NELL1: variants seen among roughly 807,000 people sequenced by gnomAD.
The protein encoded by NELL1 is neural EGFL like 1, also known as protein kinase C-binding protein NELL1.
NELL1 carries 76 observed loss-of-function variants against 107.4 expected under a neutral mutation model. That is an observed-to-expected ratio of 0.71 (90% CI 0.59 to 0.86). NELL1 has a LOEUF of 0.86. NELL1 is among the 40% of genes least tolerant of loss of function. The pLI, the probability that NELL1 is intolerant of heterozygous loss-of-function variation, is 0.00. For missense variants in NELL1, 1,024 were observed against 1,005.5 expected, an observed-to-expected ratio of 1.02 and a Z score of -0.25; for synonymous variants, 353 against 341.2, an observed-to-expected ratio of 1.03 and a Z score of -0.38.
chr11:20,989,695 T>C (rs1195779068), intron 12 of NELL1, among the ~76,000 whole-genome samples: 2 of 152,052 alleles, frequency 1.3e-5, no homozygotes, highest in Non-Finnish European at 2.9e-5. Context: ...CTTCTGTTTA[T>C]AGAAATTCCA....
intron 14 of NELL1, among the ~76,000 whole-genome samples, chr11:21,265,603 T>C (rs929320969): frequency 1.3e-5 from 2 of 152,012 alleles, no homozygotes; most frequent in Non-Finnish European, 2.9e-5. Flanking sequence ...ATGTTTATAA[T>C]CATTGGTTCT....
chr11:21,224,195 G>A (rs906304856), intron 13 of NELL1, among the ~76,000 whole-genome samples: 1 of 151,992 alleles, frequency 6.6e-6, no homozygotes, highest in Non-Finnish European at 1.5e-5. Flanking sequence ...AATCTGGATG[G>A]TCATATCTCT....
chr11:21,534,697 C>CTA lies in NELL1; in HGVS notation c.1786+184_1786+185dup, dbSNP rs1296541547. Among the ~76,000 whole-genome samples, 3 of 152,188 alleles carry CTA rather than the reference C, an allele frequency of 2.0e-5. No homozygotes were observed. The East Asian group carries it at 5.8e-4, about 29-fold the overall frequency. On this transcript the variant is annotated intron_variant, in intron 16 of 19. Transcript: ENST00000357134. ...GCCAGGGATCATGCAAAGTGGGGTG[C>CTA]TAGAATTTTTATATAGAAACTGTGA...
rs1554929484 is a variant in NELL1 at position 21,528,522 on chromosome 11, C to CT, written c.1646-5841dup. On this transcript the variant is annotated intron_variant, in intron 15 of 19. Coordinates refer to ENST00000357134, the MANE Select transcript of NELL1 (RefSeq NM_006157.5). The stretch of plus-strand genomic sequence containing the variant: ...CTTTGCACATACCCACCCCCCCCCC[C>CT]TTTTTTTTTTTCCACAATGACTTGA... Among the ~76,000 whole-genome samples, 61 of 113,142 alleles carry CT rather than the reference C, an allele frequency of 5.4e-4. 1 individual carries two copies. Among genetic ancestry groups the CT allele is most frequent in the Admixed American group, 2.3e-3 (24 of 10,480 alleles). The allele number at this position is 113,142 out of a possible 152,430, so 74.2% of individuals were successfully genotyped here.
At chr11:20,834,548 A>G (rs988153678) in intron 3 of NELL1, among the ~76,000 whole-genome samples, 4 of 151,940 alleles carry the variant, frequency 2.6e-5, no homozygotes, top group Non-Finnish European at 5.9e-5. Flanking sequence ...TAAACATACA[A>G]AAAAATTAGC....
At position 20,749,134 on chromosome 11, in the gene NELL1, C is replaced by G. The variant is rs543692370; in HGVS notation, c.185-34546C>G. Reference sequence around the variant, plus strand: ...TGCAGCTATTCTAGGGCTGTTTGATCTTGGTTGAGTGATAATTCTTTGTAC... The same window carrying G: ...TGCAGCTATTCTAGGGCTGTTTGATGTTGGTTGAGTGATAATTCTTTGTAC... On this transcript the variant is annotated intron_variant, in intron 2 of 19. Transcript: ENST00000357134. Among the ~76,000 whole-genome samples the G allele has an allele frequency of 1.3e-5, 2 of 150,258 alleles. 1 individual carries two copies. Among genetic ancestry groups the G allele is most frequent in the African/African-American group, 5.0e-5 (2 of 39,722 alleles).
intron 15 of NELL1, among the ~76,000 whole-genome samples, chr11:21,413,088 T>C (rs999183486): frequency 6.6e-6 from 1 of 152,058 alleles, no homozygotes; most frequent in Non-Finnish European, 1.5e-5. Context: ...GAAACTTTAT[T>C]AAACAACAAC....
intron 13 of NELL1, among the ~76,000 whole-genome samples, chr11:21,198,391 G>C (rs1444043833): frequency 6.6e-6 from 1 of 152,198 alleles, no homozygotes; most frequent in Non-Finnish European, 1.5e-5. Flanking sequence ...TTGACCCCTT[G>C]ATGAAGGAGG....
chr11:20,725,620 A>C (rs1159194083), intron 2 of NELL1, among the ~76,000 whole-genome samples: 2 of 152,236 alleles, frequency 1.3e-5, no homozygotes, highest in African/African-American at 4.8e-5. Flanking sequence ...GTGAGGAAAT[A>C]GGTGCTAATT....
At chr11:21,543,948 C>T (rs1856362865) in intron 16 of NELL1, among the ~76,000 whole-genome samples, 1 of 151,948 alleles carries the variant, frequency 6.6e-6, no homozygotes, top group African/African-American at 2.4e-5. Flanking sequence ...GTTAGTCTAA[C>T]AGAACCTCAG....
In NELL1 at chr11:21,560,270, T is replaced by C; in HGVS notation, c.1868T>C (p.Leu623Pro). The C allele has an allele frequency of 1.2e-6, 2 of 1,613,606 alleles. No homozygotes were observed. The highest frequency in any genetic ancestry group is 8.5e-7 in the Non-Finnish European group (1 of 1,179,716). Residue 623 changes from leucine (L) to proline (P), a missense_variant, in exon 17 of 20, where the codon CTC becomes CCC. Coordinates refer to ENST00000357134, the MANE Select transcript of NELL1 (RefSeq NM_006157.5). ...AACCTGGCAGGGGGCTTTGACTGTC[T>C]CTGCCCCTCTGGGCCCTCCTGCTCT... Reference protein sequence around the residue: ...CINLAGGFDCLCPSGPSCSGD... With the variant: ...CINLAGGFDCPCPSGPSCSGD...
chr11:21,392,725 G>A (rs558165270), intron 15 of NELL1, among the ~76,000 whole-genome samples: 2 of 151,608 alleles, frequency 1.3e-5, no homozygotes, highest in Admixed American at 1.3e-4. Context: ...GATATAAAAT[G>A]TCATCCACTT....
chr11:20,984,474 T>A lies in NELL1; in HGVS notation c.1300+23914T>A, dbSNP rs114015709. ...CATAGGTTGGAATCAAATGAGATAA[T>A]GTAGTTCACTACCTAGTATGGGCTT... On this transcript the variant is annotated intron_variant, in intron 12 of 19. Coordinates refer to ENST00000357134, the MANE Select transcript of NELL1 (RefSeq NM_006157.5). 7.3e-3 allele frequency among the ~76,000 whole-genome samples: 1,116 copies of A among 152,342 alleles called. 15 individuals carry two copies. The highest frequency in any genetic ancestry group is 0.026 in the African/African-American group (1,064 of 41,580).
At chr11:20,867,205 G>C (rs1849111653) in intron 4 of NELL1, among the ~76,000 whole-genome samples, 1 of 152,118 alleles carries the variant, frequency 6.6e-6, no homozygotes, top group Non-Finnish European at 1.5e-5. Context: ...AATGAACAGA[G>C]GTTTAAGAGA....
intron 13 of NELL1, among the ~76,000 whole-genome samples, chr11:21,191,890 A>C (rs1015845508): frequency 6.6e-6 from 1 of 151,940 alleles, no homozygotes; most frequent in South Asian, 2.1e-4. Flanking sequence ...GCATTATTCA[A>C]ATATAACTTC....
intron 4 of NELL1, among the ~76,000 whole-genome samples, chr11:20,862,347 G>A (rs1251879917): frequency 2.0e-5 from 3 of 151,970 alleles, no homozygotes; most frequent in South Asian, 2.1e-4. Context: ...CAGGAAGTAC[G>A]GAGAGTTTCC....
intron 4 of NELL1, among the ~76,000 whole-genome samples, chr11:20,880,604 G>A (rs1052508990): frequency 1.3e-5 from 2 of 152,140 alleles, no homozygotes; most frequent in African/African-American, 4.8e-5. Flanking sequence ...CTTTGTGGGC[G>A]TGAAAAAGGC....
intron 12 of NELL1, among the ~76,000 whole-genome samples, chr11:21,084,251 T>C (rs1330737871): frequency 6.6e-6 from 1 of 152,206 alleles, no homozygotes; most frequent in Non-Finnish European, 1.5e-5. Context: ...TCAATGTTAG[T>C]GTCAAAGATA....
intron 14 of NELL1, among the ~76,000 whole-genome samples, chr11:21,312,250 G>A (rs1565162004): frequency 6.6e-6 from 1 of 152,092 alleles, no homozygotes; most frequent in Non-Finnish European, 1.5e-5. Flanking sequence ...TAGAGCGTGG[G>A]TATGAATCCA....
Sources: allele counts gnomAD v4.1 joint callset (sites outside exome capture counted in the v4.1 genomes callset), GRCh38; gene constraint gnomAD v4.1.1; transcripts MANE v1.5; gene names NCBI Gene and HGNC (gene_info 2026-07-23, HGNC 2026-07-21).